TANC1: variants seen among roughly 807,000 people sequenced by gnomAD.
TANC1 encodes the protein protein TANC1.
A neutral mutation model predicts 149.7 loss-of-function variants in TANC1; 77 were observed. The ratio of observed to expected loss-of-function variants is 0.51; its 90% confidence interval spans 0.43 to 0.62. The LOEUF is 0.62. TANC1 is among the 20% of genes least tolerant of loss of function. TANC1 has a pLI of 0.00. For synonymous variants in TANC1, 854 were observed against 925.0 expected, an observed-to-expected ratio of 0.92 and a Z score of 1.39; for missense variants, 1,985 against 2,321.8, an observed-to-expected ratio of 0.85 and a Z score of 2.98.
chr2:158,983,029 G>T (rs914663132), intron 1 of TANC1, among the ~76,000 whole-genome samples: 2 of 152,160 alleles, frequency 1.3e-5, no homozygotes, highest in African/African-American at 2.4e-5. Context: ...TACAGAAGTC[G>T]AGATAAGTTC....
chr2:159,224,134 TA>T, intron 22 of TANC1, 97 bp from the exon 23 acceptor site: 1 of 1,427,722 alleles, frequency 7.0e-7, no homozygotes, highest in Non-Finnish European at 9.6e-7. Flanking sequence ...CAGAGGCATC[TA>T]AAATCAGAGT....
rs191125783 is a variant in TANC1, at chr2:159,127,438, G to T, written c.260-8756G>T. On this transcript the variant is annotated intron_variant, in intron 4 of 26. Transcript: ENST00000263635. ...GGATCTAGAACCAGAAATACCATTT[G>T]ACCTAGCAATCCCATTACGAGGTAT... Among the ~76,000 whole-genome samples, 805 of 152,320 alleles carry T rather than the reference G, an allele frequency of 5.3e-3. 4 individuals carry two copies. Among genetic ancestry groups the T allele is most frequent in the Non-Finnish European group, 8.0e-3 (544 of 68,032 alleles).
intron 18 of TANC1, 102 bp downstream of exon 18, chr2:159,196,895 G>C: frequency 8.4e-7 from 1 of 1,196,530 alleles, no homozygotes; most frequent in Non-Finnish European, 1.2e-6. Flanking sequence ...CCAAGAACTA[G>C]CATTTGGCGT....
intron 2 of TANC1, among the ~76,000 whole-genome samples, chr2:159,036,573 T>C (rs1264712999): frequency 1.3e-5 from 2 of 152,102 alleles, no homozygotes; most frequent in Non-Finnish European, 2.9e-5. Flanking sequence ...AATGTTTTCA[T>C]TGTTCAATTC....
chr2:159,039,254 C>T (rs948117183), intron 2 of TANC1, among the ~76,000 whole-genome samples: 5 of 152,060 alleles, frequency 3.3e-5, no homozygotes, highest in African/African-American at 1.2e-4. Context: ...ATTAGTCTTG[C>T]TAGCGGTCTA....
chr2:159,196,558 C>T (rs780938903), intron 17 of TANC1, 50 bp from the exon 18 acceptor site: 6 of 1,523,792 alleles, frequency 3.9e-6, no homozygotes, highest in Non-Finnish European at 5.3e-6. Flanking sequence ...TCTGCATGCT[C>T]AGAGGCAAAG....
At chr2:159,205,114 C>A (rs1184892851) in intron 19 of TANC1, among the ~76,000 whole-genome samples, 1 of 152,182 alleles carries the variant, frequency 6.6e-6, no homozygotes, top group African/African-American at 2.4e-5. Flanking sequence ...GAAGCTGGGT[C>A]CTGTTGTATT....
At chr2:159,110,909 C>A (rs565530920) in intron 4 of TANC1, among the ~76,000 whole-genome samples, 1 of 152,192 alleles carries the variant, frequency 6.6e-6, no homozygotes, top group Non-Finnish European at 1.5e-5. Flanking sequence ...AGCCCTCCTT[C>A]GGGGCTTTGT....
chr2:159,037,387 T>G (rs1419131555), intron 2 of TANC1, among the ~76,000 whole-genome samples: 1 of 152,338 alleles, frequency 6.6e-6, no homozygotes, highest in Admixed American at 6.5e-5. Flanking sequence ...TTGTCAATTT[T>G]GGCTTTTGTT....
chr2:159,159,885 A>G (rs936923447), intron 7 of TANC1, among the ~76,000 whole-genome samples: 2 of 152,032 alleles, frequency 1.3e-5, no homozygotes, highest in South Asian at 2.1e-4. Flanking sequence ...GCCAGGTGCA[A>G]TGATGTGTGC....
chr2:159,146,448 C>T (rs535780306), intron 5 of TANC1, among the ~76,000 whole-genome samples: 8 of 151,958 alleles, frequency 5.3e-5, no homozygotes, highest in East Asian at 1.9e-4. Context: ...ATCCCAACCC[C>T]GGGTAAGGGT....
At chr2:159,033,325 A>T (rs1045588714) in intron 2 of TANC1, among the ~76,000 whole-genome samples, 2 of 152,212 alleles carry the variant, frequency 1.3e-5, no homozygotes, top group Non-Finnish European at 2.9e-5. Context: ...GGCAGAGGTT[A>T]GGGACAGATG....
chr2:159,150,150 G>A (rs2052616914), intron 6 of TANC1: 5 of 431,638 alleles, frequency 1.2e-5, no homozygotes, highest in Non-Finnish European at 1.6e-5. Context: ...GAGGGGAACC[G>A]AACAAAGATA....
chr2:159,063,440 C>T (rs770430771), intron 2 of TANC1, among the ~76,000 whole-genome samples: 2 of 152,122 alleles, frequency 1.3e-5, no homozygotes, highest in Non-Finnish European at 2.9e-5. Context: ...AGGCCAGAGA[C>T]GATTGAAACT....
chr2:159,012,836 T>C (rs1181369720), intron 2 of TANC1, among the ~76,000 whole-genome samples: 8 of 152,216 alleles, frequency 5.3e-5, no homozygotes, highest in Non-Finnish European at 1.2e-4. Context: ...AATTTTTGTT[T>C]GACATTGTTC....
At chr2:159,174,641 G>T (rs1446709795) in intron 11 of TANC1, among the ~76,000 whole-genome samples, 1 of 152,222 alleles carries the variant, frequency 6.6e-6, no homozygotes, top group Admixed American at 6.5e-5. Context: ...GCTTGGAGCT[G>T]CTGTAAGCCA....
Position 159,170,867 on chromosome 2 carries a change from G to C in TANC1, c.1351+62G>C, listed in dbSNP as rs1575077300. The stretch of plus-strand genomic sequence containing the variant: ...CATAAGATAGATGGAGGAAATTGCT[G>C]TTCACATAGACATAAAATACCAATT... On this transcript the variant is annotated intron_variant, in intron 10 of 26. Coordinates refer to ENST00000263635, the MANE Select transcript of TANC1 (RefSeq NM_033394.3). 9.0e-6 allele frequency: 14 copies of C among 1,556,344 alleles called. No homozygotes were observed. The East Asian group carries it at 1.8e-4, about 20-fold the overall frequency.
chr2:159,025,277 TTTTCTTTTC>T (rs1173444081), intron 2 of TANC1, among the ~76,000 whole-genome samples: 1 of 151,280 alleles, frequency 6.6e-6, no homozygotes, highest in East Asian at 1.9e-4. Context: ...TTTCCTTTTC[TTTTCTTTTC>T]TTTCTTTTCT....
intron 4 of TANC1, among the ~76,000 whole-genome samples, chr2:159,131,990 G>A (rs998500933): frequency 6.6e-6 from 1 of 152,238 alleles, no homozygotes; most frequent in South Asian, 2.1e-4. Flanking sequence ...GGTGGTGGAA[G>A]TTCCCAGTGC....
Sources: gnomAD v4.1 joint callset for allele counts (sites outside exome capture counted in the v4.1 genomes callset) on GRCh38, gnomAD v4.1.1 for gene constraint, MANE v1.5 for transcripts, NCBI Gene and HGNC (gene_info 2026-07-23, HGNC 2026-07-21) for gene names.